LRRCC1: variants seen among roughly 807,000 people sequenced by gnomAD.
LRRCC1 encodes leucine-rich repeat and coiled-coil domain-containing protein 1.
A neutral mutation model predicts 126.0 loss-of-function variants in LRRCC1; 115 were observed. The ratio of observed to expected loss-of-function variants is 0.91; its 90% CI spans 0.78 to 1.07. The LOEUF (loss-of-function observed/expected upper bound fraction) is 1.07. LRRCC1 is among the 50% of genes least tolerant of loss of function. LRRCC1 has a pLI of 0.00. For missense variants in LRRCC1, 1,172 were observed against 1,175.7 expected (o/e 1.00, Z 0.05); for synonymous variants, 400 against 393.4 (o/e 1.02, Z -0.20).
intron 9 of LRRCC1, among the ~76,000 whole-genome samples, chr8:85,127,548 C>G (rs977541796): frequency 6.6e-6 from 1 of 152,074 alleles, no homozygotes; most frequent in Admixed American, 6.5e-5. Flanking sequence ...GCTCTTGGTT[C>G]CATTTCTTGT....
rs112882598 is a variant in LRRCC1 at position 85,136,571 on chromosome 8, G to A, written c.2329+608G>A. Among the ~76,000 whole-genome samples the A allele has an allele frequency of 5.2e-3, 792 of 152,056 alleles. 9 individuals are homozygous for A. Among genetic ancestry groups the A allele is most frequent in the African/African-American group, 0.018 (747 of 41,474 alleles). ...ATTACAGGCGTGACCCACCGTACCC[G>A]GCCAAAAGTAATTCTTATACAGTGA... On this transcript the variant is annotated intron_variant, in intron 14 of 18. Transcript: ENST00000360375.
In LRRCC1 at chr8:85,129,278, A is replaced by G. The variant is rs752560519; in HGVS notation, c.1525A>G (p.Lys509Glu). 6.2e-7 allele frequency: 1 copy of G among 1,613,642 alleles called. No individual in the cohort carries two copies. The highest frequency in any genetic ancestry group is 8.5e-7 in the Non-Finnish European group (1 of 1,179,640). Residue 509 changes from lysine to glutamate, a missense_variant, in exon 10 of 19, where the codon AAA becomes GAA. Lys to Glu is a moderately conservative substitution (Grantham distance 56, BLOSUM62 1). Transcript: ENST00000360375. ...EIKKLTVELM[K>E]AKDQQEDHLK... Reference sequence around the variant, plus strand: ...TAAAAAACTGACTGTTGAACTAATGAAAGCAAAAGATCAACAAGAGGATCA... The same window carrying G: ...TAAAAAACTGACTGTTGAACTAATGGAAGCAAAAGATCAACAAGAGGATCA...
Position 85,145,442 on chromosome 8 carries a change from CA to C in LRRCC1, c.3037del (p.Thr1013GlnfsTer13), listed in dbSNP as rs1288173822. 6 of 1,578,054 alleles carry C rather than the reference CA, an allele frequency of 3.8e-6. No individual in the cohort carries two copies. The highest frequency in any genetic ancestry group is 2.5e-5 in the South Asian group (2 of 81,600). On this transcript the variant is annotated frameshift_variant, in exon 19 of 19. Coordinates refer to ENST00000360375, the MANE Select transcript of LRRCC1 (RefSeq NM_033402.5). LOFTEE classifies it high-confidence loss of function. ...AACTTTTGGAAGAAACATGCAAGAA[CA>C]AAAAAACAATGGAAGCAAAAATTAA... ...RELLEETCKN[K>X]KTMEAKIKQL...
At chr8:85,125,473 A>G (rs1355197128) in intron 8 of LRRCC1, among the ~76,000 whole-genome samples, 2 of 151,146 alleles carry the variant, frequency 1.3e-5, no homozygotes, top group South Asian at 2.1e-4. Context: ...GGAGATCGAG[A>G]CCATCCCGGC....
chr8:85,142,186 C>G (rs1436261152), intron 18 of LRRCC1, among the ~76,000 whole-genome samples: 6 of 151,734 alleles, frequency 4.0e-5, no homozygotes, highest in Non-Finnish European at 5.9e-5. Context: ...TCCAGCTACT[C>G]GGGAGGCTGA....
At position 85,124,826 on chromosome 8, in the gene LRRCC1, G is replaced by A. The variant is rs752814987; in HGVS notation, c.1159G>A (p.Glu387Lys). ...TAAAATGAAACCACCTTACCTTAAA[G>A]AATTATATGTAAGCTCATCTTTAGC... is the stretch of plus-strand genomic sequence containing the variant. Reference protein sequence around the residue: ...NRKMKPPYLKELYVSSSLANC... With the variant: ...NRKMKPPYLKKLYVSSSLANC... The change falls in exon 8 of 19, where the codon GAA (glutamate) becomes AAA (lysine). Residue 387 changes from glutamate (E) to lysine (K), a missense_variant. Transcript: ENST00000360375. 1.1e-5 allele frequency: 18 copies of A among 1,581,772 alleles called. No homozygotes were observed. The highest frequency in any genetic ancestry group is 1.5e-5 in the Non-Finnish European group (17 of 1,161,078).
chr8:85,123,752 A>G, intron 7 of LRRCC1, 146 bp downstream of exon 7: 3 of 581,250 alleles, frequency 5.2e-6, no homozygotes, highest in Non-Finnish European at 8.6e-6. Context: ...TCTGGTCAGT[A>G]CATTCATGTA....
intron 9 of LRRCC1, among the ~76,000 whole-genome samples, chr8:85,128,639 T>C (rs1180565508): frequency 6.6e-6 from 1 of 152,102 alleles, no homozygotes; most frequent in Non-Finnish European, 1.5e-5. Flanking sequence ...TTCATCTAAT[T>C]ATCTACTAAA....
chr8:85,109,267 T>A (rs985089361), intron 1 of LRRCC1: 4 of 248,946 alleles, frequency 1.6e-5, no homozygotes, highest in Non-Finnish European at 3.0e-5. Context: ...CAAACTGGGA[T>A]ATTAACATTC....
At position 85,120,887 on chromosome 8, in the gene LRRCC1, G is replaced by A. The variant is rs183955743; in HGVS notation, c.931-2526G>A. Among the ~76,000 whole-genome samples the A allele has an allele frequency of 3.7e-3, 562 of 152,044 alleles. 6 individuals are homozygous for A. Among genetic ancestry groups the A allele is most frequent in the African/African-American group, 0.013 (540 of 41,470 alleles). ...GACATCTGAGTAGCCTCTACTTTTG[G>A]TTATTATGATATTTCTATGAATATT... is the stretch of plus-strand genomic sequence containing the variant. On this transcript the variant is annotated intron_variant, in intron 6 of 18. Transcript: ENST00000360375.
chr8:85,111,099 C>T (rs1010460618), intron 3 of LRRCC1, among the ~76,000 whole-genome samples: 4 of 152,012 alleles, frequency 2.6e-5, no homozygotes, highest in East Asian at 1.9e-4. Context: ...TTGTTTTTGC[C>T]GGGTGTGGTG....
chr8:85,135,685 C>CCAAAAA, intron 13 of LRRCC1, 104 bp from the exon 14 acceptor site: 1 of 719,442 alleles, frequency 1.4e-6, no homozygotes, highest in Non-Finnish European at 2.0e-6. Context: ...GTAATATTTA[C>CCAAAAA]TTGTATTTGC....
In LRRCC1 at chr8:85,137,587, T is replaced by A; in HGVS notation, c.2453T>A (p.Ile818Asn). 6.7e-7 allele frequency: 1 copy of A among 1,493,620 alleles called. No individual in the cohort carries two copies. The highest frequency in any genetic ancestry group is 2.5e-5 in the East Asian group (1 of 39,352). 92.5% of individuals were successfully genotyped at this position (1,493,620 alleles called of 1,614,324 possible). The change falls in exon 15 of 19, where the codon ATC becomes AAC. Residue 818 changes from isoleucine to asparagine, a missense_variant. Coordinates refer to ENST00000360375, the MANE Select transcript of LRRCC1 (RefSeq NM_033402.5). ...GATGCATTAAGAATAAAGTGCAAAA[T>A]CATAGACGACCAAACTGAAACTATT... is the stretch of plus-strand genomic sequence containing the variant. ...DSDALRIKCK[I>N]IDDQTETIRK...
intron 13 of LRRCC1, among the ~76,000 whole-genome samples, chr8:85,135,504 C>G (rs1810786556): frequency 1.3e-5 from 2 of 152,140 alleles, no homozygotes; most frequent in Non-Finnish European, 2.9e-5. Context: ...ACCTTTAACA[C>G]TATTGATATA....
chr8:85,124,778 T>C lies in LRRCC1; in HGVS notation c.1125-14T>C. The stretch of plus-strand genomic sequence containing the variant: ...TACTTTTTTGAGTTATTTTCTATGT[T>C]TCATTCTTTACAGTTGTAATCGTAA... On this transcript the variant is annotated splice_polypyrimidine_tract_variant and intron_variant, in intron 7 of 18. Transcript: ENST00000360375. 6.7e-7 allele frequency: 1 copy of C among 1,481,564 alleles called. No homozygotes were observed. Among genetic ancestry groups the C allele is most frequent in the South Asian group, 1.4e-5 (1 of 72,146 alleles). 91.8% of individuals were successfully genotyped at this position (1,481,564 alleles called of 1,614,324 possible).
intron 8 of LRRCC1, among the ~76,000 whole-genome samples, chr8:85,125,998 A>C (rs1445517647): frequency 6.6e-6 from 1 of 152,058 alleles, no homozygotes; most frequent in African/African-American, 2.4e-5. Flanking sequence ...TTTTCTCATG[A>C]AAAATCAATC....
intron 12 of LRRCC1, among the ~76,000 whole-genome samples, chr8:85,133,472 G>A (rs1218750658): frequency 1.3e-5 from 2 of 152,066 alleles, no homozygotes; most frequent in Non-Finnish European, 2.9e-5. Flanking sequence ...CAGCCTGGAC[G>A]TTTTGCAAGA....
chr8:85,128,884 G>A (rs932028927), intron 9 of LRRCC1, among the ~76,000 whole-genome samples: 1 of 151,988 alleles, frequency 6.6e-6, no homozygotes, highest in African/African-American at 2.4e-5. Flanking sequence ...TTCATCAATT[G>A]ATATTGATAT....
intron 18 of LRRCC1, among the ~76,000 whole-genome samples, chr8:85,143,196 C>A (rs1811380083): frequency 6.6e-6 from 1 of 152,088 alleles, no homozygotes; most frequent in Non-Finnish European, 1.5e-5. Flanking sequence ...GTGGCACATG[C>A]CTGTAATCCA....
Sources: allele counts gnomAD v4.1 joint callset (sites outside exome capture counted in the v4.1 genomes callset), GRCh38; gene constraint gnomAD v4.1.1; transcripts MANE v1.5; gene names NCBI Gene and HGNC (gene_info 2026-07-23, HGNC 2026-07-21).